Variants in ZNF804B observed in about 807,000 individuals in gnomAD.
The protein encoded by ZNF804B is zinc finger protein 804B.
ZNF804B carries 80 observed loss-of-function variants against 101.4 expected under a neutral mutation model. The observed-to-expected ratio is 0.79, with a 90% CI of 0.66 to 0.95. The LOEUF (loss-of-function observed/expected upper bound fraction) is 0.95. ZNF804B is among the 40% of genes least tolerant of loss of function. The pLI is 0.00. For synonymous variants in ZNF804B, 622 were observed against 558.8 expected, an observed-to-expected ratio of 1.11 and a Z score of -1.59; for missense variants, 1,673 against 1,561.9, an observed-to-expected ratio of 1.07 and a Z score of -1.20.
chr7:88,760,083 C>G lies in ZNF804B; in HGVS notation c.107C>G (p.Pro36Arg). The G allele has an allele frequency of 6.2e-7, 1 of 1,612,936 alleles. No individual in the cohort carries two copies. The highest frequency in any genetic ancestry group is 8.5e-7 in the Non-Finnish European group (1 of 1,178,906). Residue 36 changes from proline to arginine, a missense_variant and splice_region_variant, in exon 1 of 4, where the codon CCG becomes CGG. By Grantham distance (103) the Pro-to-Arg change is moderately radical (BLOSUM62 -2). Coordinates refer to ENST00000333190, the MANE Select transcript of ZNF804B (RefSeq NM_181646.5). The part of the protein sequence containing the change: ...GPLCKNGSPS[P>R]DFAEKKSTAK... ...CTGTGCAAGAACGGATCTCCCTCTC[C>G]GGTAATGTGCGCGCGCACACACATA...
At position 89,335,185 on chromosome 7, in the gene ZNF804B, A is replaced by T; in HGVS notation, c.2203A>T (p.Ser735Cys). ...TCSSHRFNGN[S>C]RGNLLCFHKR... ...TTCAAGTCATAGATTCAATGGTAAT[A>T]GCAGAGGTAATTTGCTCTGCTTCCA... The change falls in exon 4 of 4, where the codon AGC becomes TGC. Residue 735 changes from serine to cysteine, a missense_variant. Transcript: ENST00000333190. The T allele has an allele frequency of 6.2e-7, 1 of 1,613,920 alleles. No homozygotes were observed. Among genetic ancestry groups the T allele is most frequent in the Non-Finnish European group, 8.5e-7 (1 of 1,179,940 alleles).
Position 88,937,337 on chromosome 7 carries a change from A to G in ZNF804B, c.108+177253A>G, listed in dbSNP as rs368445112. 7.9e-5 allele frequency among the ~76,000 whole-genome samples: 12 copies of G among 152,190 alleles called. 2 individuals carry two copies. Among genetic ancestry groups the G allele is most frequent in the African/African-American group, 2.9e-4 (12 of 41,562 alleles). ...ATAAAGAAATACTTCATCTCAAACA[A>G]TGGACTAGAATTTAGGCCTCTACAT... On this transcript the variant is annotated intron_variant, in intron 1 of 3. Coordinates refer to ENST00000333190, the MANE Select transcript of ZNF804B (RefSeq NM_181646.5).
intron 1 of ZNF804B, among the ~76,000 whole-genome samples, chr7:88,963,190 C>T (rs1793412477): frequency 6.6e-6 from 1 of 151,104 alleles, no homozygotes; most frequent in Admixed American, 6.6e-5. Context: ...CATACGGACT[C>T]TGAAAGGGGC....
At chr7:88,818,614 C>A (rs1790923438) in intron 1 of ZNF804B, among the ~76,000 whole-genome samples, 1 of 152,064 alleles carries the variant, frequency 6.6e-6, no homozygotes. Flanking sequence ...CAAATTCCAA[C>A]AGGAGATTTG....
At chr7:88,845,875 A>C (rs934003504) in intron 1 of ZNF804B, among the ~76,000 whole-genome samples, 20 of 152,318 alleles carry the variant, frequency 1.3e-4, no homozygotes, top group Admixed American at 5.2e-4. Context: ...CTTAGGTTAT[A>C]ATAAGCAATA....
chr7:88,878,061 A>G (rs1367819133), intron 1 of ZNF804B, among the ~76,000 whole-genome samples: 2 of 152,238 alleles, frequency 1.3e-5, no homozygotes, highest in Non-Finnish European at 2.9e-5. Context: ...GGGATTAAGT[A>G]TACTGTTAAA....
At chr7:89,149,195 A>T (rs1790834126) in intron 1 of ZNF804B, among the ~76,000 whole-genome samples, 1 of 152,082 alleles carries the variant, frequency 6.6e-6, no homozygotes, top group South Asian at 2.1e-4. Context: ...TATTCACTGA[A>T]TTCCCTTTCA....
rs772556687 is a variant in ZNF804B at position 89,333,386 on chromosome 7, A to G, written c.404A>G (p.Tyr135Cys). ...SECVSGNGPA[Y>C]KAPRVAIEKQ... Reference sequence around the variant, plus strand: ...AGTGTTTCTGGAAATGGACCAGCATACAAAGCCCCCAGGGTAGCCATAGAA... The same window carrying G: ...AGTGTTTCTGGAAATGGACCAGCATGCAAAGCCCCCAGGGTAGCCATAGAA... Residue 135 changes from tyrosine to cysteine, a missense_variant, in exon 4 of 4, where the codon TAC becomes TGC. Coordinates refer to ENST00000333190, the MANE Select transcript of ZNF804B (RefSeq NM_181646.5). The G allele has an allele frequency of 6.2e-7, 1 of 1,605,848 alleles. No individual in the cohort carries two copies. The highest frequency in any genetic ancestry group is 8.5e-7 in the Non-Finnish European group (1 of 1,176,960).
intron 1 of ZNF804B, among the ~76,000 whole-genome samples, chr7:88,776,560 G>GT (rs57733765): frequency 0.03 from 2,221 of 75,058 alleles, 53 homozygotes; most frequent in East Asian, 0.056. Flanking sequence ...GTGGTGTTTT[G>GT]TTTTTTTTTT....
intron 1 of ZNF804B, among the ~76,000 whole-genome samples, chr7:89,023,117 A>G (rs761032594): frequency 1.4e-4 from 22 of 152,320 alleles, no homozygotes; most frequent in South Asian, 4.1e-4. Flanking sequence ...TATATTAGTA[A>G]TATTCCACCA....
Position 89,265,385 on chromosome 7 carries a change from T to C in ZNF804B, c.249+47090T>C, listed in dbSNP as rs984596333. ...AAACAGATAAGCACAAAAAGGATGC[T>C]TTAGGCAGGAAGAACAAAGTCAGAG... On this transcript the variant is annotated intron_variant, in intron 2 of 3. Coordinates refer to ENST00000333190, the MANE Select transcript of ZNF804B (RefSeq NM_181646.5). Among the ~76,000 whole-genome samples the C allele has an allele frequency of 1.2e-4, 18 of 152,276 alleles. No individual in the cohort carries two copies. The East Asian group carries it at 3.5e-3, about 29-fold the overall frequency.
chr7:89,259,297 T>A (rs2115808696), intron 2 of ZNF804B, among the ~76,000 whole-genome samples: 1 of 152,320 alleles, frequency 6.6e-6, no homozygotes, highest in East Asian at 1.9e-4. Context: ...ACCCCAACTG[T>A]TTTATTGTTG....
chr7:89,091,667 A>T (rs574694368), intron 1 of ZNF804B, among the ~76,000 whole-genome samples: 2 of 152,282 alleles, frequency 1.3e-5, no homozygotes, highest in East Asian at 3.9e-4. Context: ...AATAAAACAT[A>T]CTTTTATCTT....
intron 2 of ZNF804B, among the ~76,000 whole-genome samples, chr7:89,255,188 A>G (rs1463434878): frequency 6.6e-6 from 1 of 152,150 alleles, no homozygotes; most frequent in African/African-American, 2.4e-5. Flanking sequence ...GAGTGCAAGC[A>G]GGGGAAATGC....
intron 1 of ZNF804B, among the ~76,000 whole-genome samples, chr7:89,060,009 C>T (rs1789354410): frequency 6.6e-6 from 1 of 152,122 alleles, no homozygotes; most frequent in South Asian, 2.1e-4. Flanking sequence ...GCTTTGGACT[C>T]CAGGACTTAC....
chr7:88,845,581 GT>G (rs576402162), intron 1 of ZNF804B, among the ~76,000 whole-genome samples: 98 of 147,822 alleles, frequency 6.6e-4, no homozygotes, highest in Middle Eastern at 6.9e-3. Context: ...TTTGCTCAGG[GT>G]TTTTTTTTTT....
At chr7:88,883,590 C>T (rs538346673) in intron 1 of ZNF804B, among the ~76,000 whole-genome samples, 21 of 152,218 alleles carry the variant, frequency 1.4e-4, no homozygotes, top group African/African-American at 5.1e-4. Flanking sequence ...TAGGAGCAAA[C>T]ATCTTCTAAG....
chr7:89,242,155 T>C (rs1289811938), intron 2 of ZNF804B, among the ~76,000 whole-genome samples: 2 of 151,988 alleles, frequency 1.3e-5, no homozygotes, highest in Non-Finnish European at 2.9e-5. Flanking sequence ...TTGATGAGGC[T>C]GGGTTATTTA....
At chr7:88,950,516 T>C (rs1338664841) in intron 1 of ZNF804B, among the ~76,000 whole-genome samples, 4 of 151,904 alleles carry the variant, frequency 2.6e-5, no homozygotes, top group Admixed American at 2.6e-4. Flanking sequence ...GTGGCTGATA[T>C]AGACTGTACC....
Sources: gnomAD v4.1 joint callset for allele counts (sites outside exome capture counted in the v4.1 genomes callset) on GRCh38, gnomAD v4.1.1 for gene constraint, MANE v1.5 for transcripts, NCBI Gene and HGNC (gene_info 2026-07-23, HGNC 2026-07-21) for gene names.